Variants in DMXL2 observed in about 807,000 individuals in gnomAD.
DMXL2 encodes the protein dmX-like protein 2.
A neutral mutation model predicts 331.1 loss-of-function variants in DMXL2; 103 were observed. The observed-to-expected ratio is 0.31, with a 90% CI of 0.27 to 0.37. The LOEUF is 0.37. DMXL2 is among the 10% of genes least tolerant of loss of function. The pLI is 1.00. For synonymous variants in DMXL2, 1,281 were observed against 1,252.1 expected (o/e 1.02, Z -0.49); for missense variants, 3,171 against 3,642.9 (o/e 0.87, Z 3.33).
intron 32 of DMXL2, among the ~76,000 whole-genome samples, chr15:51,464,456 G>T (rs531291942): frequency 2.0e-5 from 3 of 152,126 alleles, no homozygotes; most frequent in African/African-American, 7.2e-5. Flanking sequence ...ATACAATAAA[G>T]ACTTTTTCCT....
intron 1 of DMXL2, among the ~76,000 whole-genome samples, chr15:51,585,753 C>A (rs996312750): frequency 6.6e-6 from 1 of 152,192 alleles, no homozygotes; most frequent in African/African-American, 2.4e-5. Flanking sequence ...CCTGACATCT[C>A]CCTGTTCTAA....
At chr15:51,461,718 T>C (rs992978939) in intron 33 of DMXL2, among the ~76,000 whole-genome samples, 25 of 152,206 alleles carry the variant, frequency 1.6e-4, no homozygotes, top group African/African-American at 5.3e-4. Context: ...ACCTGGATAA[T>C]TGTTTTGTAT....
chr15:51,593,129 A>G (rs1314917659), intron 1 of DMXL2, among the ~76,000 whole-genome samples: 5 of 152,234 alleles, frequency 3.3e-5, no homozygotes, highest in Admixed American at 6.5e-5. Context: ...CAAATTGGAT[A>G]AAGAGTCAAG....
intron 1 of DMXL2, among the ~76,000 whole-genome samples, chr15:51,590,436 T>A (rs543975187): frequency 6.6e-6 from 1 of 152,250 alleles, no homozygotes; most frequent in Non-Finnish European, 1.5e-5. Flanking sequence ...GAGTCCCTGA[T>A]AACTGAGGCT....
Position 51,488,061 on chromosome 15 carries a change from A to G in DMXL2, c.5110T>C (p.Trp1704Arg). 1.9e-6 allele frequency: 3 copies of G among 1,613,334 alleles called. No homozygotes were observed. The highest frequency in any genetic ancestry group is 2.5e-6 in the Non-Finnish European group (3 of 1,179,772). ...FFSHNFNEDR[W>R]RKAALKNAFS... ...GCATTTTTCAAAGCAGCTTTTCGCC[A>G]TCTATCTTCATTAAAGTTGTGGCTG... Residue 1704 changes from tryptophan to arginine, a missense_variant, in exon 22 of 44, where the codon TGG becomes CGG. By Grantham distance (101) the Trp-to-Arg change is moderately radical. This residue lies in a region of DMXL2 where 252 missense variants were observed against 387.4 expected (regional missense o/e 0.65). Coordinates refer to ENST00000560891, the MANE Select transcript of DMXL2 (RefSeq NM_001378457.1).
At chr15:51,490,411 T>A (rs947375459) in intron 20 of DMXL2, among the ~76,000 whole-genome samples, 1 of 152,202 alleles carries the variant, frequency 6.6e-6, no homozygotes. Flanking sequence ...CAGGAAAAGG[T>A]CTTTGCATCC....
rs1267640384 is a variant in DMXL2, at chr15:51,500,095, T to C, written c.3129A>G (p.Lys1043=). 4 of 1,614,100 alleles carry C rather than the reference T, an allele frequency of 2.5e-6. No individual in the cohort carries two copies. The highest frequency in any genetic ancestry group is 3.4e-6 in the Non-Finnish European group (4 of 1,180,034). ...GCCATCTCTTCCAATGATAAATTTC[T>C]TTCTCATCACTTTTATTACACTCTG... The part of the protein sequence containing the change: ...ANPECNKSDE[K]EIYHWKRWPL... The change falls in exon 18 of 44, where the codon AAA becomes AAG. Residue 1043 remains lysine (K), a synonymous_variant. Coordinates refer to ENST00000560891, the MANE Select transcript of DMXL2 (RefSeq NM_001378457.1).
intron 13 of DMXL2, 111 bp downstream of exon 13, chr15:51,535,552 G>A: frequency 1.0e-6 from 1 of 992,660 alleles, no homozygotes; most frequent in Non-Finnish European, 1.5e-6. Context: ...ATGCAGCCCA[G>A]AACATATACT....
intron 13 of DMXL2, among the ~76,000 whole-genome samples, chr15:51,534,309 CA>C (rs938338844): frequency 3.2e-4 from 48 of 152,240 alleles, no homozygotes; most frequent in African/African-American, 1.1e-3. Flanking sequence ...TTGATAGGCA[CA>C]GGGGGAGCAG....
At chr15:51,600,361 C>G (rs1201730856) in intron 1 of DMXL2, among the ~76,000 whole-genome samples, 1 of 152,170 alleles carries the variant, frequency 6.6e-6, no homozygotes, top group Non-Finnish European at 1.5e-5. Context: ...CAGTGACCAC[C>G]TCTTAGTCAC....
intron 1 of DMXL2, among the ~76,000 whole-genome samples, chr15:51,616,935 T>TAAAAAA (rs34051640): frequency 2.5e-5 from 2 of 81,230 alleles, no homozygotes; most frequent in Non-Finnish European, 4.5e-5. Context: ...AGACTCCATC[T>TAAAAAA]AAAAAAAAAA....
At chr15:51,590,967 C>A (rs1039749001) in intron 1 of DMXL2, among the ~76,000 whole-genome samples, 1 of 151,984 alleles carries the variant, frequency 6.6e-6, no homozygotes, top group African/African-American at 2.4e-5. Context: ...CCAAGATGGC[C>A]GAATAGGAAC....
intron 22 of DMXL2, among the ~76,000 whole-genome samples, chr15:51,487,297 T>C (rs2042463903): frequency 6.6e-6 from 1 of 152,224 alleles, no homozygotes; most frequent in African/African-American, 2.4e-5. Flanking sequence ...CAGCTTAATG[T>C]ATCTGCCTTT....
chr15:51,540,624 T>C (rs986594278), intron 9 of DMXL2, among the ~76,000 whole-genome samples: 3 of 152,060 alleles, frequency 2.0e-5, no homozygotes, highest in African/African-American at 4.8e-5. Context: ...AACTTTCTTG[T>C]AGTTTCAAAA....
Position 51,514,465 on chromosome 15 carries a change from T to C in DMXL2, c.2621A>G (p.Glu874Gly). The C allele has an allele frequency of 6.4e-7, 1 of 1,572,240 alleles. No individual in the cohort carries two copies. Among genetic ancestry groups the C allele is most frequent in the Non-Finnish European group, 8.7e-7 (1 of 1,153,854 alleles). Reference sequence around the variant, plus strand: ...ACCTTGTGATGGCTGAAAAAATATTTCTGTTTCCTTTTTCTCCATATCTTC... The same window carrying C: ...ACCTTGTGATGGCTGAAAAAATATTCCTGTTTCCTTTTTCTCCATATCTTC... ...HKEDMEKKET[E>G]IFFQPSQGYR... The change falls in exon 15 of 44, where the codon GAA becomes GGA. Residue 874 changes from glutamate (E) to glycine (G), a missense_variant. This residue lies in a region of DMXL2 where 1,674 missense variants were observed against 1,780.2 expected (regional missense o/e 0.94). Transcript: ENST00000560891.
In DMXL2 at chr15:51,542,324, A is replaced by G. The variant is rs2048643342; in HGVS notation, c.1105+9T>C. The G allele has an allele frequency of 6.2e-7, 1 of 1,609,296 alleles. No homozygotes were observed. The highest frequency in any genetic ancestry group is 8.5e-7 in the Non-Finnish European group (1 of 1,176,942). The stretch of plus-strand genomic sequence containing the variant: ...ACATATTTATGGGAAATAAAACTTT[A>G]TCCTTTACCTGTGGCAGGGTTGATG... On this transcript the variant is annotated intron_variant, in intron 9 of 43. Coordinates refer to ENST00000560891, the MANE Select transcript of DMXL2 (RefSeq NM_001378457.1).
At chr15:51,588,499 T>C (rs1199520889) in intron 1 of DMXL2, among the ~76,000 whole-genome samples, 2 of 152,160 alleles carry the variant, frequency 1.3e-5, no homozygotes, top group Non-Finnish European at 2.9e-5. Flanking sequence ...TCTCAATTTG[T>C]TCTTAATACA....
chr15:51,521,449 A>AGTAGTAGTAGTAGTAGTG lies in DMXL2; in HGVS notation c.2437-4283_2437-4282insCACTACTACTACTACTAC, dbSNP rs1567062819. Among the ~76,000 whole-genome samples the AGTAGTAGTAGTAGTAGTG allele has an allele frequency of 3.4e-5, 5 of 149,018 alleles. No individual in the cohort carries two copies. The East Asian group carries it at 9.7e-4, about 29-fold the overall frequency. ...TAGTAGTAGTAGTAGTAGTAGTAGT[A>AGTAGTAGTAGTAGTAGTG]GTAGTAGTAGTAGTGGTAGTGGTAG... On this transcript the variant is annotated intron_variant, in intron 13 of 43. Coordinates refer to ENST00000560891, the MANE Select transcript of DMXL2 (RefSeq NM_001378457.1).
At chr15:51,602,111 A>G (rs1054646843) in intron 1 of DMXL2, among the ~76,000 whole-genome samples, 1 of 152,186 alleles carries the variant, frequency 6.6e-6, no homozygotes, top group Non-Finnish European at 1.5e-5. Flanking sequence ...AATAAGGTGA[A>G]TTATAGCAGA....
Sources: gnomAD v4.1 joint callset for allele counts (sites outside exome capture counted in the v4.1 genomes callset) on GRCh38, gnomAD v4.1.1 for gene constraint, gnomAD v4.1.1 regional missense constraint, MANE v1.5 for transcripts, NCBI Gene and HGNC (gene_info 2026-07-23, HGNC 2026-07-21) for gene names.